The following CDKAL1 variants were observed in gnomAD, a reference collection of about 807,000 sequenced individuals.
The protein encoded by CDKAL1 is CDKAL1 threonylcarbamoyladenosine tRNA methylthiotransferase.
CDKAL1 carries 32 observed loss-of-function variants against 68.2 expected under a neutral mutation model. The ratio of observed to expected loss-of-function variants is 0.47; its 90% CI spans 0.35 to 0.63. The LOEUF (loss-of-function observed/expected upper bound fraction) is 0.63, where lower values mean the gene tolerates loss of function less well. Among genes scored for constraint, CDKAL1 ranks in the 30% least tolerant of loss-of-function variants. The pLI, the probability that CDKAL1 is intolerant of heterozygous loss-of-function variation, is 0.00. For missense variants in CDKAL1, 606 were observed against 696.7 expected (o/e 0.87, Z 1.47); for synonymous variants, 234 against 244.3 (o/e 0.96, Z 0.39).
At chr6:20,849,823 A>G (rs1758914296) in intron 9 of CDKAL1, among the ~76,000 whole-genome samples, 1 of 152,096 alleles carries the variant, frequency 6.6e-6, no homozygotes. Flanking sequence ...AGAAGTGCAA[A>G]TTTATGCTAC....
intron 9 of CDKAL1, among the ~76,000 whole-genome samples, chr6:20,935,982 C>T (rs1295931391): frequency 6.6e-6 from 1 of 152,156 alleles, no homozygotes; most frequent in African/African-American, 2.4e-5. Context: ...CTTCACACTG[C>T]TGCACCTTGT....
At chr6:20,568,010 G>A (rs1764530289) in intron 4 of CDKAL1, among the ~76,000 whole-genome samples, 1 of 152,060 alleles carries the variant, frequency 6.6e-6, no homozygotes, top group African/African-American at 2.4e-5. Flanking sequence ...TAAGTAGCTG[G>A]GACCACAGGC....
At chr6:20,666,533 AAG>A (rs1429472092) in intron 5 of CDKAL1, among the ~76,000 whole-genome samples, 4 of 152,134 alleles carry the variant, frequency 2.6e-5, no homozygotes, top group Non-Finnish European at 4.4e-5. Flanking sequence ...ATAATGCAAA[AAG>A]TGTTATAACA....
At chr6:20,687,371 A>C (rs182162397) in intron 5 of CDKAL1, among the ~76,000 whole-genome samples, 8 of 152,122 alleles carry the variant, frequency 5.3e-5, no homozygotes. Flanking sequence ...GCCTATTCAC[A>C]TCGTCTTTTT....
chr6:20,698,580 G>A (rs994319300), intron 5 of CDKAL1, among the ~76,000 whole-genome samples: 1 of 152,144 alleles, frequency 6.6e-6, no homozygotes, highest in African/African-American at 2.4e-5. Flanking sequence ...TTTGTAGAAT[G>A]CCCCTCAGTT....
At chr6:20,630,110 CT>C (rs1466016615) in intron 4 of CDKAL1, among the ~76,000 whole-genome samples, 1 of 152,146 alleles carries the variant, frequency 6.6e-6, no homozygotes. Flanking sequence ...CTCAAGTGAT[CT>C]GCCTGCCTCG....
intron 11 of CDKAL1, among the ~76,000 whole-genome samples, chr6:21,018,432 G>A (rs753073536): frequency 2.0e-5 from 3 of 152,094 alleles, no homozygotes; most frequent in East Asian, 1.9e-4. Context: ...TACCTAAAAC[G>A]GAGTGCTAAT....
rs144832974 is a variant in CDKAL1, at chr6:20,919,529, C to G, written c.743-35890C>G. Among the ~76,000 whole-genome samples the G allele has an allele frequency of 7.1e-4, 108 of 152,278 alleles. No individual in the cohort carries two copies. The East Asian group carries it at 7.1e-3, about 10-fold the overall frequency. On this transcript the variant is annotated intron_variant, in intron 9 of 15. Coordinates refer to ENST00000274695, the MANE Select transcript of CDKAL1 (RefSeq NM_017774.3). ...TATTTCTCCTAATGCTATCCCTCCC[C>G]TAGCCCCCCACTCCCACTTACGAGT...
At chr6:21,062,685 G>A (rs200596627) in intron 11 of CDKAL1, among the ~76,000 whole-genome samples, 1 of 152,036 alleles carries the variant, frequency 6.6e-6, no homozygotes, top group Non-Finnish European at 1.5e-5. Flanking sequence ...AATAAATTAG[G>A]AACAAAATAT....
At chr6:21,170,750 G>A (rs1004268970) in intron 13 of CDKAL1, among the ~76,000 whole-genome samples, 5 of 152,156 alleles carry the variant, frequency 3.3e-5, no homozygotes, top group Non-Finnish European at 7.4e-5. Flanking sequence ...TCATGTTGAA[G>A]GTAGGGAAAG....
chr6:21,091,579 C>T (rs183427267), intron 12 of CDKAL1, among the ~76,000 whole-genome samples: 44 of 152,282 alleles, frequency 2.9e-4, no homozygotes, highest in Admixed American at 1.1e-3. Context: ...ACTGGAGGCT[C>T]ATTCTTTGAG....
chr6:21,231,098 G>C lies in CDKAL1; in HGVS notation c.*59G>C, dbSNP rs916504075. 7 of 1,347,848 alleles carry C rather than the reference G, an allele frequency of 5.2e-6. No homozygotes were observed. The highest frequency in any genetic ancestry group is 7.2e-6 in the Non-Finnish European group (7 of 976,448). 83.5% of individuals were successfully genotyped at this position (1,347,848 alleles called of 1,614,324 possible). On this transcript the variant is annotated 3_prime_UTR_variant, in exon 16 of 16. Transcript: ENST00000274695. ...TACATTTCTAATTAAAATCTTCAAT[G>C]AACAGGAAAGCGACATCTCCATTCT...
chr6:21,070,875 T>G (rs1288301249), intron 12 of CDKAL1, among the ~76,000 whole-genome samples: 1 of 152,160 alleles, frequency 6.6e-6, no homozygotes, highest in Non-Finnish European at 1.5e-5. Context: ...TGGCAGCAGC[T>G]GTGAGGCTGC....
At chr6:20,629,378 G>T (rs1767574268) in intron 4 of CDKAL1, among the ~76,000 whole-genome samples, 1 of 152,200 alleles carries the variant, frequency 6.6e-6, no homozygotes, top group Non-Finnish European at 1.5e-5. Context: ...TTAAGGTGGT[G>T]TCTGCCAGGT....
intron 9 of CDKAL1, among the ~76,000 whole-genome samples, chr6:20,848,778 T>A (rs916405698): frequency 3.3e-5 from 5 of 151,482 alleles, no homozygotes; most frequent in African/African-American, 1.2e-4. Context: ...TGGTTGTTTT[T>A]TTCTTTCTTT....
intron 5 of CDKAL1, among the ~76,000 whole-genome samples, chr6:20,721,658 G>C (rs1037248959): frequency 4.7e-5 from 7 of 147,764 alleles, no homozygotes; most frequent in African/African-American, 1.8e-4. Flanking sequence ...CATAGTGTCT[G>C]TACTAGTTTA....
At chr6:20,596,122 C>T (rs1284120075) in intron 4 of CDKAL1, among the ~76,000 whole-genome samples, 2 of 152,180 alleles carry the variant, frequency 1.3e-5, no homozygotes, top group Non-Finnish European at 2.9e-5. Flanking sequence ...TGTCTCCAAG[C>T]CAGGAGGCAC....
intron 9 of CDKAL1, among the ~76,000 whole-genome samples, chr6:20,876,405 TG>T (rs1760517278): frequency 6.6e-6 from 1 of 152,290 alleles, no homozygotes. Flanking sequence ...CCACTACTGT[TG>T]AGTGTGGAGT....
chr6:20,799,137 C>T (rs1776259874), intron 8 of CDKAL1, among the ~76,000 whole-genome samples: 1 of 139,120 alleles, frequency 7.2e-6, no homozygotes, highest in African/African-American at 2.6e-5. Flanking sequence ...ACTGCAACCT[C>T]TGGCTCCCGG....
Sources: allele counts gnomAD v4.1 joint callset (sites outside exome capture counted in the v4.1 genomes callset), GRCh38; gene constraint gnomAD v4.1.1; transcripts MANE v1.5; gene names NCBI Gene and HGNC (gene_info 2026-07-23, HGNC 2026-07-21).